AGO2: variants seen among roughly 807,000 people sequenced by gnomAD.
AGO2 encodes protein argonaute-2.
AGO2 carries 5 observed loss-of-function variants against 102.3 expected under a neutral mutation model. The ratio of observed to expected loss-of-function variants is 0.05; its 90% CI spans 0.03 to 0.10. The LOEUF (loss-of-function observed/expected upper bound fraction) is 0.10, where lower values mean the gene tolerates loss of function less well. AGO2 is among the 10% of genes least tolerant of loss of function. AGO2 has a pLI of 1.00. For missense variants in AGO2, 541 were observed against 1,183.7 expected (o/e 0.46, Z 7.97); for synonymous variants, 449 against 473.1 (o/e 0.95, Z 0.66).
At chr8:140,636,975 A>C (rs1306024335), upstream of AGO2, 1 of 152,248 alleles carries the variant, frequency 6.6e-6, no homozygotes, top group East Asian at 1.9e-4. Flanking sequence ...AGCATCATTA[A>C]GTAGTAAATA....
In AGO2 at chr8:140,539,365, C is replaced by T. The variant is rs372386745; in HGVS notation, c.2124G>A (p.Gln708=). 30 of 1,613,922 alleles carry T rather than the reference C, an allele frequency of 1.9e-5. No homozygotes were observed. Among genetic ancestry groups the T allele is most frequent in the Non-Finnish European group, 2.2e-5 (26 of 1,179,936 alleles). ...YQPGITFIVV[Q]KRHHTRLFCT... is the part of the protein sequence containing the mutation. Reference sequence around the variant, plus strand: ...AGAAGAGCCGGGTGTGGTGCCTCTTCTGCACCACGATGAAGGTGATCCCGG... The same window carrying T: ...AGAAGAGCCGGGTGTGGTGCCTCTTTTGCACCACGATGAAGGTGATCCCGG... The change falls in exon 16 of 19, where the codon CAG becomes CAA. Residue 708 remains glutamine, a synonymous_variant. Transcript: ENST00000220592. The surrounding 1 kb of genome is among the most constrained non-coding windows in gnomAD (Gnocchi z 4.7).
chr8:140,598,222 C>T (rs1249229658), intron 1 of AGO2, among the ~76,000 whole-genome samples: 2 of 152,218 alleles, frequency 1.3e-5, no homozygotes, highest in African/African-American at 2.4e-5. Context: ...AACCCCGAGA[C>T]GGCGTGTTCT....
chr8:140,620,947 TC>T (rs1336054842), intron 1 of AGO2, among the ~76,000 whole-genome samples: 13 of 152,134 alleles, frequency 8.5e-5, no homozygotes, highest in Admixed American at 8.5e-4. Context: ...AGGGTCCCGC[TC>T]CATCACCCAG....
At chr8:140,605,909 T>C (rs1249421518) in intron 1 of AGO2, 1 of 152,214 alleles carries the variant, frequency 6.6e-6, no homozygotes, top group Non-Finnish European at 1.5e-5. Context: ...ACAAGTCAGT[T>C]AGTACCTGCA....
intron 11 of AGO2, 102 bp downstream of exon 11, chr8:140,551,201 C>A (rs1588448459): frequency 1.3e-5 from 18 of 1,336,784 alleles, no homozygotes; most frequent in Non-Finnish European, 1.8e-5. Context: ...CATACCAGCA[C>A]CCTCACCCCC....
In AGO2 at chr8:140,589,973, C is replaced by T. The variant is rs1369211869; in HGVS notation, c.23-4662G>A. ...AAGTTGACGCTAAACACAGTCATGG[C>T]AGCTTTTTTGGTGAAATGGACAGAG... is the stretch of plus-strand genomic sequence containing the variant. On this transcript the variant is annotated intron_variant, in intron 1 of 18. Coordinates refer to ENST00000220592, the MANE Select transcript of AGO2 (RefSeq NM_012154.5). This position sits in a 1 kb window ranked among gnomAD's most constrained non-coding sequence, Gnocchi z 4.2. Among the ~76,000 whole-genome samples the T allele has an allele frequency of 6.6e-6, 1 of 152,242 alleles. No individual in the cohort carries two copies. Among genetic ancestry groups the T allele is most frequent in the African/African-American group, 2.4e-5 (1 of 41,454 alleles).
chr8:140,552,327 C>A (rs554861309), intron 10 of AGO2, among the ~76,000 whole-genome samples: 2 of 152,200 alleles, frequency 1.3e-5, no homozygotes, highest in Non-Finnish European at 2.9e-5. Context: ...CAGCTCTCAG[C>A]CAGCCCTGAG....
At chr8:140,600,418 C>T (rs866159452) in intron 1 of AGO2, among the ~76,000 whole-genome samples, 5 of 152,012 alleles carry the variant, frequency 3.3e-5, no homozygotes, top group South Asian at 2.1e-4. Flanking sequence ...CGGTGGCTCA[C>T]GCCTGTAATC....
At chr8:140,587,489 C>T (rs2073676807) in intron 1 of AGO2, among the ~76,000 whole-genome samples, 1 of 152,238 alleles carries the variant, frequency 6.6e-6, no homozygotes, top group African/African-American at 2.4e-5. Context: ...TGCCTGAAAT[C>T]CACTCTGATC....
At chr8:140,631,825 A>G (rs556040899) in intron 1 of AGO2, among the ~76,000 whole-genome samples, 1 of 152,334 alleles carries the variant, frequency 6.6e-6, no homozygotes, top group East Asian at 1.9e-4. Context: ...CAGGTCTGCA[A>G]TTCACTTTGG....
intron 13 of AGO2, among the ~76,000 whole-genome samples, chr8:140,545,181 C>T (rs1480219728): frequency 6.6e-6 from 1 of 152,192 alleles, no homozygotes; most frequent in African/African-American, 2.4e-5. Flanking sequence ...CATCGCCTGC[C>T]TTGCGGCAGA....
intron 2 of AGO2, among the ~76,000 whole-genome samples, chr8:140,582,544 C>G (rs1418751426): frequency 6.6e-6 from 1 of 152,136 alleles, no homozygotes; most frequent in Non-Finnish European, 1.5e-5. Flanking sequence ...CCTGTACAAT[C>G]AAATTATTTT....
rs147598297 is a variant in AGO2 at position 140,610,197 on chromosome 8, C to T, written c.23-24886G>A. Among the ~76,000 whole-genome samples, 71 of 152,172 alleles carry T rather than the reference C, an allele frequency of 4.7e-4. 1 individual carries two copies. Among genetic ancestry groups the T allele is most frequent in the African/African-American group, 1.7e-3 (69 of 41,522 alleles). ...CCAGCCTGGGTGACAGAGCGAGATC[C>T]TGTCTCAAGAAACAAAAACAAACAC... On this transcript the variant is annotated intron_variant, in intron 1 of 18. Coordinates refer to ENST00000220592, the MANE Select transcript of AGO2 (RefSeq NM_012154.5).
At chr8:140,634,980 C>T (rs1157959453) in intron 1 of AGO2, among the ~76,000 whole-genome samples, 1 of 151,768 alleles carries the variant, frequency 6.6e-6, no homozygotes, top group Non-Finnish European at 1.5e-5. Context: ...CCCTCCCGCC[C>T]GTGCGCGCCC....
At chr8:140,621,638 G>A (rs932970826) in intron 1 of AGO2, among the ~76,000 whole-genome samples, 1 of 152,128 alleles carries the variant, frequency 6.6e-6, no homozygotes, top group Non-Finnish European at 1.5e-5. Context: ...CAAGTATGCT[G>A]TACACTCTGG....
intron 1 of AGO2, among the ~76,000 whole-genome samples, chr8:140,615,674 CTT>C (rs982110155): frequency 6.6e-6 from 1 of 152,272 alleles, no homozygotes; most frequent in Non-Finnish European, 1.5e-5. Context: ...TTAAATGAAA[CTT>C]TTACCACGCT....
At chr8:140,611,017 A>G (rs1181333793) in intron 1 of AGO2, among the ~76,000 whole-genome samples, 1 of 152,242 alleles carries the variant, frequency 6.6e-6, no homozygotes, top group Non-Finnish European at 1.5e-5. Context: ...AGATCATTCG[A>G]GAGTTAAACA....
chr8:140,527,762 A>T lies in AGO2; in HGVS notation c.*4282T>A, dbSNP rs1416572967. ...TGAGCGTGAGAGATGGGTCAGAGAG[A>T]GGTCACAGGAAAATGTCGTATGGCT... On this transcript the variant is annotated 3_prime_UTR_variant, in exon 19 of 19. Transcript: ENST00000220592. This position sits in a 1 kb window ranked among gnomAD's most constrained non-coding sequence, Gnocchi z 6.0. The T allele has an allele frequency of 1.3e-5, 2 of 152,242 alleles. No individual in the cohort carries two copies. The highest frequency in any genetic ancestry group is 2.9e-5 in the Non-Finnish European group (2 of 68,040). 9.4% of individuals were successfully genotyped at this position (152,242 alleles called of 1,614,324 possible).
chr8:140,571,112 G>C (rs567902718), intron 3 of AGO2, among the ~76,000 whole-genome samples: 4 of 152,186 alleles, frequency 2.6e-5, no homozygotes, highest in Non-Finnish European at 5.9e-5. Flanking sequence ...TTTGGTCTAG[G>C]ACTTGCTCCT....
Sources: allele counts gnomAD v4.1 joint callset (sites outside exome capture counted in the v4.1 genomes callset), GRCh38; gene constraint gnomAD v4.1.1; non-coding constraint Gnocchi (gnomAD v3.1); transcripts MANE v1.5; gene names NCBI Gene and HGNC (gene_info 2026-07-23, HGNC 2026-07-21).